Variants in CHFR observed in about 807,000 individuals in gnomAD.
The protein encoded by CHFR is E3 ubiquitin-protein ligase CHFR.
Under a neutral mutation model 87.6 loss-of-function variants are expected in CHFR, and 57 were observed. The observed-to-expected ratio is 0.65, with a 90% CI of 0.53 to 0.81. The LOEUF (loss-of-function observed/expected upper bound fraction) is 0.81. Ranked by LOEUF, CHFR falls within the 30% of genes least tolerant of loss-of-function variation. The pLI is 0.00. For missense variants in CHFR, 797 were observed against 865.8 expected (o/e 0.92, Z 1.00); for synonymous variants, 381 against 359.2 (o/e 1.06, Z -0.69).
rs1950660967 is a variant in CHFR at position 132,837,938 on chromosome 12, T to G, written c.*3616A>C. ...ATCTACTTTCCTAAATCCCCTCCGT[T>G]CTCATGCTTTCCTTCCCTTCCCAGT... On this transcript the variant is annotated 3_prime_UTR_variant, in exon 18 of 18. Coordinates refer to ENST00000450056, the MANE Select transcript of CHFR (RefSeq NM_001161346.2). 1 of 152,348 alleles carries G rather than the reference T, an allele frequency of 6.6e-6. No homozygotes were observed. The highest frequency in any genetic ancestry group is 2.4e-5 in the African/African-American group (1 of 41,460). 9.4% of individuals were successfully genotyped at this position (152,348 alleles called of 1,614,324 possible). A position where few individuals can be genotyped will look rare whatever the true frequency, so the allele number is the denominator to read the frequency against.
rs898567081 is a variant in CHFR at position 132,876,795 on chromosome 12, T to A, written c.233+760A>T. The stretch of plus-strand genomic sequence containing the variant: ...TACAGTCATGCCCCAGATAATAAAC[T>A]TTTGTTTCGTTTTGTTTTGAGATGG... On this transcript the variant is annotated intron_variant, in intron 3 of 17. Coordinates refer to ENST00000450056, the MANE Select transcript of CHFR (RefSeq NM_001161346.2). Among the ~76,000 whole-genome samples the A allele has an allele frequency of 2.6e-5, 4 of 152,136 alleles. No individual in the cohort carries two copies. In the South Asian group the frequency reaches 8.3e-4, roughly 31 times the overall value.
Position 132,834,013 on chromosome 12 carries a change from A to C in CHFR, c.*7541T>G, listed in dbSNP as rs1470187397. On this transcript the variant is annotated 3_prime_UTR_variant, in exon 18 of 18. Transcript: ENST00000450056. ...AAGAGCAGTGAGGTGAGGGGGCAAC[A>C]ATCAGAGCCACAAGAAGCCCCTGAA... The C allele has an allele frequency of 1.3e-5, 2 of 152,482 alleles. No individual in the cohort carries two copies. Among genetic ancestry groups the C allele is most frequent in the East Asian group, 3.9e-4 (2 of 5,168 alleles). 9.4% of individuals were successfully genotyped at this position (152,482 alleles called of 1,614,324 possible). A position where few individuals can be genotyped will look rare whatever the true frequency, so the allele number is the denominator to read the frequency against.
chr12:132,842,589 C>G (rs955835038), intron 17 of CHFR, among the ~76,000 whole-genome samples: 3 of 152,232 alleles, frequency 2.0e-5, no homozygotes, highest in African/African-American at 7.2e-5. Context: ...GCGCTGTGAA[C>G]CTCCTTTAAG....
intron 16 of CHFR, 77 bp from the exon 17 acceptor site, chr12:132,843,160 C>G: frequency 8.2e-6 from 11 of 1,339,718 alleles, no homozygotes; most frequent in Non-Finnish European, 1.2e-5. Context: ...CCAGCAGAGA[C>G]CCAACGACAG....
chr12:132,887,112 C>T, intron 2 of CHFR, 84 bp downstream of exon 2: 1 of 1,197,870 alleles, frequency 8.3e-7, no homozygotes, highest in Non-Finnish European at 1.1e-6. Context: ...CTGGAGCGCA[C>T]ACTGCACCGC....
chr12:132,876,182 AAAAG>A (rs1449465852), intron 3 of CHFR, among the ~76,000 whole-genome samples: 14 of 152,070 alleles, frequency 9.2e-5, no homozygotes, highest in African/African-American at 3.1e-4. Context: ...TCAAAAAAAA[AAAAG>A]AAAGAAAGAA....
Position 132,836,907 on chromosome 12 carries a change from C to G in CHFR, c.*4647G>C. ...AAATAAACAACAGTGGGCAGACAGG[C>G]AAGATCCCTGCTCTATTTTTTTGAG... is the stretch of plus-strand genomic sequence containing the variant. On this transcript the variant is annotated 3_prime_UTR_variant, in exon 18 of 18. Coordinates refer to ENST00000450056, the MANE Select transcript of CHFR (RefSeq NM_001161346.2). 2.6e-6 allele frequency: 1 copy of G among 379,136 alleles called. No homozygotes were observed. Among genetic ancestry groups the G allele is most frequent in the Non-Finnish European group, 5.2e-6 (1 of 191,722 alleles). 23.5% of individuals were successfully genotyped at this position (379,136 alleles called of 1,614,324 possible). A position where few individuals can be genotyped will look rare whatever the true frequency, so the allele number is the denominator to read the frequency against.
intron 11 of CHFR, among the ~76,000 whole-genome samples, chr12:132,852,965 C>T (rs1950979287): frequency 1.3e-5 from 2 of 152,338 alleles, no homozygotes; most frequent in East Asian, 3.9e-4. Flanking sequence ...GCACCTGGAG[C>T]CCCTTGCTGG....
chr12:132,845,936 G>A (rs1258632511), intron 15 of CHFR, among the ~76,000 whole-genome samples: 1 of 152,154 alleles, frequency 6.6e-6, no homozygotes, highest in Middle Eastern at 3.2e-3. Context: ...CAATTTAGCA[G>A]CTGCCCAGTT....
At position 132,834,712 on chromosome 12, in the gene CHFR, CTT is replaced by C. The variant is rs60018437; in HGVS notation, c.*6840_*6841del. On this transcript the variant is annotated 3_prime_UTR_variant, in exon 18 of 18. Coordinates refer to ENST00000450056, the MANE Select transcript of CHFR (RefSeq NM_001161346.2). Reference sequence around the variant, plus strand: ...CTTCCTGCCTTTGACTTCTTGCTTGCTTTTTTTTTTTTTTTTTTTTTGAGATA... The same window carrying C: ...CTTCCTGCCTTTGACTTCTTGCTTGCTTTTTTTTTTTTTTTTTTTGAGATA... The C allele has an allele frequency of 8.1e-5, 11 of 135,366 alleles. No individual in the cohort carries two copies. The highest frequency in any genetic ancestry group is 2.4e-4 in the South Asian group (1 of 4,138). The allele number at this position is 135,366 out of a possible 1,614,324, so 8.4% of individuals were successfully genotyped here.
intron 10 of CHFR, among the ~76,000 whole-genome samples, chr12:132,855,524 G>T (rs761601993): frequency 2.0e-5 from 3 of 151,224 alleles, no homozygotes; most frequent in Non-Finnish European, 4.4e-5. Context: ...AAAATTAGCT[G>T]GGTGTGGTGG....
intron 3 of CHFR, 32 bp downstream of exon 3, chr12:132,877,523 G>A (rs1167970447): frequency 6.8e-7 from 1 of 1,472,030 alleles, no homozygotes; most frequent in African/African-American, 1.4e-5. Context: ...GCTACAAGAA[G>A]AAACACCAAA....
chr12:132,843,943 G>A, intron 16 of CHFR, 84 bp downstream of exon 16: 1 of 828,702 alleles, frequency 1.2e-6, no homozygotes, highest in Non-Finnish European at 2.0e-6. Flanking sequence ...CAGCGAAACT[G>A]TCTCAAAAAA....
intron 15 of CHFR, among the ~76,000 whole-genome samples, chr12:132,845,424 C>G (rs1221175387): frequency 2.6e-5 from 4 of 151,352 alleles, no homozygotes; most frequent in Non-Finnish European, 4.4e-5. Context: ...TGCCATTGCA[C>G]TCCAGCCTGG....
chr12:132,879,665 AGGCGT>A (rs1228394888), intron 2 of CHFR, among the ~76,000 whole-genome samples: 7 of 152,328 alleles, frequency 4.6e-5, no homozygotes, highest in Admixed American at 1.3e-4. Flanking sequence ...CTGGGATTAC[AGGCGT>A]GAGCCACCAG....
chr12:132,868,532 T>C (rs1951405426), intron 6 of CHFR, among the ~76,000 whole-genome samples: 1 of 148,566 alleles, frequency 6.7e-6, no homozygotes. Flanking sequence ...AAAAAAAAAT[T>C]AGCTGGGCGT....
intron 2 of CHFR, among the ~76,000 whole-genome samples, chr12:132,884,817 T>C (rs941016162): frequency 1.3e-5 from 2 of 152,192 alleles, no homozygotes; most frequent in Admixed American, 1.3e-4. Context: ...CCAGGCACAG[T>C]GGCTCACACC....
chr12:132,834,305 G>T lies in CHFR; in HGVS notation c.*7249C>A, dbSNP rs1478465267. 1.3e-5 allele frequency: 2 copies of T among 152,454 alleles called. No homozygotes were observed. The highest frequency in any genetic ancestry group is 2.9e-5 in the Non-Finnish European group (2 of 68,268). 9.4% of individuals were successfully genotyped at this position (152,454 alleles called of 1,614,324 possible). On this transcript the variant is annotated 3_prime_UTR_variant, in exon 18 of 18. Transcript: ENST00000450056. Reference sequence around the variant, plus strand: ...ACAGGGTGAAGGAACGTGCTGGGGAGCAGGGGAGAGGGTGAAGCGGATGTT... The same window carrying T: ...ACAGGGTGAAGGAACGTGCTGGGGATCAGGGGAGAGGGTGAAGCGGATGTT...
intron 2 of CHFR, among the ~76,000 whole-genome samples, chr12:132,886,217 G>A (rs1287049099): frequency 1.3e-5 from 2 of 152,010 alleles, no homozygotes; most frequent in African/African-American, 2.4e-5. Flanking sequence ...AGGCTGAGGC[G>A]GGAGAATCAC....
Sources: gnomAD v4.1 joint callset for allele counts (sites outside exome capture counted in the v4.1 genomes callset) on GRCh38, gnomAD v4.1.1 for gene constraint, MANE v1.5 for transcripts, NCBI Gene and HGNC (gene_info 2026-07-23, HGNC 2026-07-21) for gene names.